MAGI2: variants seen among roughly 807,000 people sequenced by gnomAD.
MAGI2 encodes the protein membrane associated guanylate kinase, WW and PDZ domain containing 2.
Under a neutral mutation model 133.3 loss-of-function variants are expected in MAGI2, and 35 were observed. The ratio of observed to expected loss-of-function variants is 0.26; its 90% CI spans 0.20 to 0.35. MAGI2 has a LOEUF of 0.35. Among genes scored for constraint, MAGI2 ranks in the 10% least tolerant of loss-of-function variants. The probability of loss-of-function intolerance (pLI) is 1.00; values close to 1 mark genes in which losing one functional copy is unlikely to be tolerated. For missense variants in MAGI2, 1,636 were observed against 1,863.4 expected (o/e 0.88, Z 2.25); for synonymous variants, 729 against 710.6 (o/e 1.03, Z -0.41).
chr7:78,374,865 A>C (rs138880216), intron 6 of MAGI2, among the ~76,000 whole-genome samples: 2 of 151,872 alleles, frequency 1.3e-5, no homozygotes, highest in African/African-American at 4.8e-5. Flanking sequence ...TTTGAGACAG[A>C]GTCTCGCTCT....
intron 9 of MAGI2, among the ~76,000 whole-genome samples, chr7:78,257,535 G>C (rs1362493371): frequency 6.6e-6 from 1 of 152,174 alleles, no homozygotes; most frequent in Non-Finnish European, 1.5e-5. Flanking sequence ...TTTATGATTA[G>C]AAATGCTCTG....
chr7:78,204,659 T>C (rs4730115), intron 10 of MAGI2, among the ~76,000 whole-genome samples: 83,279 of 151,910 alleles, frequency 0.55, 23,028 homozygotes, highest in Non-Finnish European at 0.57. Flanking sequence ...CATGTATTGA[T>C]TTTTATCCTT....
At chr7:79,238,589 A>G (rs893677953) in intron 1 of MAGI2, among the ~76,000 whole-genome samples, 1 of 152,190 alleles carries the variant, frequency 6.6e-6, no homozygotes, top group Admixed American at 6.5e-5. Context: ...GTTTCTAGTC[A>G]AAACAGTTTA....
At chr7:78,771,544 G>C (rs1038704702) in intron 2 of MAGI2, among the ~76,000 whole-genome samples, 1 of 152,166 alleles carries the variant, frequency 6.6e-6, no homozygotes, top group Non-Finnish European at 1.5e-5. Flanking sequence ...ATAGTATAAT[G>C]AAATGTAATT....
intron 2 of MAGI2, among the ~76,000 whole-genome samples, chr7:78,779,409 C>T (rs1826230854): frequency 6.6e-6 from 1 of 152,010 alleles, no homozygotes; most frequent in Non-Finnish European, 1.5e-5. Context: ...CCTGAAGGCA[C>T]CTGAGCAACT....
chr7:78,708,054 T>A (rs1424372426), intron 2 of MAGI2, among the ~76,000 whole-genome samples: 1 of 152,108 alleles, frequency 6.6e-6, no homozygotes, highest in East Asian at 1.9e-4. Flanking sequence ...TATTGGTATA[T>A]CTTACATTAA....
At chr7:79,193,117 G>A in intron 1 of MAGI2, among the ~76,000 whole-genome samples, 1 of 151,868 alleles carries the variant, frequency 6.6e-6, no homozygotes, top group Non-Finnish European at 1.5e-5. Context: ...CTGGCCCAGG[G>A]TTGTAGAATC....
intron 6 of MAGI2, among the ~76,000 whole-genome samples, chr7:78,483,262 A>G (rs557255144): frequency 6.6e-6 from 1 of 152,068 alleles, no homozygotes; most frequent in East Asian, 1.9e-4. Context: ...TGCAAAACAG[A>G]TTTGATGATG....
intron 20 of MAGI2, among the ~76,000 whole-genome samples, chr7:78,098,143 G>A (rs1032414389): frequency 1.1e-4 from 16 of 152,140 alleles, no homozygotes; most frequent in African/African-American, 3.9e-4. Context: ...AATTCAAACT[G>A]TTTTGCATAA....
intron 1 of MAGI2, among the ~76,000 whole-genome samples, chr7:79,130,413 G>A (rs6976600): frequency 0.019 from 2,955 of 152,272 alleles, 112 homozygotes; most frequent in African/African-American, 0.067. Flanking sequence ...GAAACCTGAA[G>A]AATGAAGATT....
intron 1 of MAGI2, among the ~76,000 whole-genome samples, chr7:79,057,624 C>A (rs1165447297): frequency 6.6e-6 from 1 of 152,140 alleles, no homozygotes; most frequent in Non-Finnish European, 1.5e-5. Flanking sequence ...CCTCTTTTAA[C>A]TTTTATTCAT....
chr7:78,792,242 A>G (rs1787221984), intron 2 of MAGI2, among the ~76,000 whole-genome samples: 1 of 152,196 alleles, frequency 6.6e-6, no homozygotes, highest in South Asian at 2.1e-4. Context: ...AGCACGGAGG[A>G]AGACACGTAA....
chr7:78,586,130 G>A (rs1238793250), intron 3 of MAGI2, among the ~76,000 whole-genome samples: 1 of 152,198 alleles, frequency 6.6e-6, no homozygotes, highest in African/African-American at 2.4e-5. Context: ...TGGGAATAGC[G>A]TAGCGTGCTC....
chr7:79,324,030 C>CA, intron 1 of MAGI2, among the ~76,000 whole-genome samples: 1 of 152,210 alleles, frequency 6.6e-6, no homozygotes, highest in South Asian at 2.1e-4. Flanking sequence ...ATTCTGGCTC[C>CA]ACTACTTCCT....
At chr7:79,083,981 T>C (rs1390863608) in intron 1 of MAGI2, among the ~76,000 whole-genome samples, 6 of 151,742 alleles carry the variant, frequency 4.0e-5, no homozygotes, top group African/African-American at 1.4e-4. Flanking sequence ...TATAATCTTT[T>C]TATATCTTTG....
chr7:79,131,842 A>G (rs977001347), intron 1 of MAGI2, among the ~76,000 whole-genome samples: 1 of 152,164 alleles, frequency 6.6e-6, no homozygotes. Context: ...GTCTATTTCA[A>G]TGTTTCGCAA....
chr7:78,302,425 G>T (rs541107327), intron 9 of MAGI2, among the ~76,000 whole-genome samples: 2 of 152,238 alleles, frequency 1.3e-5, no homozygotes, highest in Non-Finnish European at 1.5e-5. Flanking sequence ...ATCTCAATCT[G>T]GTGGGCAGGT....
intron 2 of MAGI2, among the ~76,000 whole-genome samples, chr7:78,803,318 A>G (rs1788240564): frequency 6.6e-6 from 1 of 152,196 alleles, no homozygotes; most frequent in South Asian, 2.1e-4. Context: ...TTACGGAAGA[A>G]AAAAATATCA....
intron 1 of MAGI2, among the ~76,000 whole-genome samples, chr7:79,294,248 T>C: frequency 6.6e-6 from 1 of 151,810 alleles, no homozygotes; most frequent in East Asian, 1.9e-4. Context: ...GACTTTCTCC[T>C]TTCTCCTCAA....
Sources: gnomAD v4.1 joint callset for allele counts (sites outside exome capture counted in the v4.1 genomes callset) on GRCh38, gnomAD v4.1.1 for gene constraint, MANE v1.5 for transcripts, NCBI Gene and HGNC (gene_info 2026-07-23, HGNC 2026-07-21) for gene names.